The following CDC42 variants were observed in gnomAD, a reference collection of about 807,000 sequenced individuals.
The protein encoded by CDC42 is cell division control protein 42 homolog.
In CDC42, 1 loss-of-function variant was observed where a neutral mutation model predicts 20.8. The ratio of observed to expected loss-of-function variants is 0.05; its 90% CI spans 0.02 to 0.23. The LOEUF (loss-of-function observed/expected upper bound fraction) is 0.23. CDC42 is among the 10% of genes least tolerant of loss of function. CDC42 has a pLI of 1.00. For missense variants in CDC42, 49 were observed against 227.9 expected (o/e 0.21, Z 5.05); for synonymous variants, 72 against 84.8 (o/e 0.85, Z 0.83).
intron 1 of CDC42, among the ~76,000 whole-genome samples, chr1:22,071,465 C>T (rs949883586): frequency 2.6e-5 from 4 of 152,156 alleles, no homozygotes; most frequent in Admixed American, 6.5e-5. Context: ...CACTTGCATA[C>T]GTGTGTGAAT....
intron 1 of CDC42, among the ~76,000 whole-genome samples, chr1:22,066,698 G>C (rs1340410607): frequency 1.8e-5 from 1 of 55,386 alleles, no homozygotes; most frequent in African/African-American, 6.8e-5. Flanking sequence ...AGGAGATGAT[G>C]ATTCGAGCTG....
intron 1 of CDC42, among the ~76,000 whole-genome samples, chr1:22,057,606 A>G (rs1290622465): frequency 3.3e-5 from 5 of 151,522 alleles, no homozygotes; most frequent in African/African-American, 1.2e-4. Flanking sequence ...CTGGTCTCCA[A>G]CTCCTGACCT....
chr1:22,079,233 G>A (rs1407163588), intron 2 of CDC42, among the ~76,000 whole-genome samples: 1 of 151,590 alleles, frequency 6.6e-6, no homozygotes, highest in African/African-American at 2.4e-5. Context: ...CCGCCTCCCG[G>A]GTTCAAGCAG....
At chr1:22,085,203 G>C (rs978310518) in intron 3 of CDC42, among the ~76,000 whole-genome samples, 3 of 148,000 alleles carry the variant, frequency 2.0e-5, no homozygotes, top group African/African-American at 7.6e-5. Flanking sequence ...CTGCACTCCA[G>C]CCTGGGTGAT....
intron 1 of CDC42, among the ~76,000 whole-genome samples, chr1:22,077,086 G>A (rs184133524): frequency 6.6e-6 from 1 of 152,150 alleles, no homozygotes; most frequent in Non-Finnish European, 1.5e-5. Context: ...AGTCTGGGAG[G>A]TGGAGGTTGC....
At chr1:22,067,853 G>A (rs575123998) in intron 1 of CDC42, among the ~76,000 whole-genome samples, 46 of 152,152 alleles carry the variant, frequency 3.0e-4, no homozygotes, top group Non-Finnish European at 5.7e-4. Flanking sequence ...CATAGCAGGT[G>A]GTCAGGCGGT....
chr1:22,061,066 GT>G (rs1311418032), intron 1 of CDC42, among the ~76,000 whole-genome samples: 2 of 152,200 alleles, frequency 1.3e-5, no homozygotes, highest in African/African-American at 4.8e-5. Context: ...GGCTTAGTGT[GT>G]TTCAGAATAT....
intron 1 of CDC42, among the ~76,000 whole-genome samples, chr1:22,063,358 T>C (rs572457621): frequency 2.0e-5 from 3 of 152,232 alleles, no homozygotes; most frequent in Admixed American, 6.6e-5. Flanking sequence ...TAGAATTTGG[T>C]ACAGAGTAGG....
Position 22,087,240 on chromosome 1 carries a change from A to T in CDC42, c.486+374A>T, listed in dbSNP as rs765364783. ...GAATATGTCTGATCTTTTCTTGCCA[A>T]TTCTGACAATTGATACTATACTGTT... On this transcript the variant is annotated intron_variant, in intron 5 of 5. Coordinates refer to ENST00000656825, the MANE Select transcript of CDC42 (RefSeq NM_001791.4). Among the ~76,000 whole-genome samples the T allele has an allele frequency of 2.6e-5, 4 of 152,128 alleles. 1 individual carries two copies. In the South Asian group the frequency reaches 8.3e-4, roughly 32 times the overall value.
At chr1:22,054,006 C>T (rs764618006) in intron 1 of CDC42, among the ~76,000 whole-genome samples, 11 of 152,138 alleles carry the variant, frequency 7.2e-5, no homozygotes, top group Non-Finnish European at 1.3e-4. Flanking sequence ...ACTGTTTATT[C>T]TCCTTTATGA....
chr1:22,085,249 G>GA (rs150816607), intron 3 of CDC42, among the ~76,000 whole-genome samples: 11 of 75,616 alleles, frequency 1.5e-4, no homozygotes, highest in African/African-American at 5.1e-4. Flanking sequence ...AAAAAAAAAA[G>GA]AAAAATCATT....
chr1:22,057,410 G>A (rs747008346), intron 1 of CDC42, among the ~76,000 whole-genome samples: 3 of 152,196 alleles, frequency 2.0e-5, no homozygotes, highest in Admixed American at 6.5e-5. Context: ...TTGAGATGGA[G>A]TTTTGCTCTT....
chr1:22,059,358 C>G (rs1025019000), intron 1 of CDC42: 18 of 152,138 alleles, frequency 1.2e-4, no homozygotes, highest in African/African-American at 4.1e-4. Context: ...GAGGAATGGT[C>G]TAAGCATATG....
chr1:22,062,134 C>T (rs1645372964), intron 1 of CDC42, among the ~76,000 whole-genome samples: 1 of 152,012 alleles, frequency 6.6e-6, no homozygotes, highest in Admixed American at 6.6e-5. Flanking sequence ...CGGGGTTTCA[C>T]CACGTTGGCC....
intron 5 of CDC42, among the ~76,000 whole-genome samples, chr1:22,087,570 C>A (rs1038984169): frequency 6.6e-6 from 1 of 152,126 alleles, no homozygotes; most frequent in Admixed American, 6.5e-5. Flanking sequence ...CATGATATCG[C>A]TGATTCCGTC....
At chr1:22,071,233 TC>T (rs1295719467) in intron 1 of CDC42, among the ~76,000 whole-genome samples, 3 of 151,362 alleles carry the variant, frequency 2.0e-5, no homozygotes, top group Admixed American at 6.6e-5. Context: ...TTTAGTAGCG[TC>T]GGGGTTTCAC....
intron 1 of CDC42, among the ~76,000 whole-genome samples, chr1:22,078,077 C>T (rs550410180): frequency 3.9e-4 from 59 of 152,272 alleles, no homozygotes; most frequent in Admixed American, 1.2e-3. Context: ...TGTGTGTGCA[C>T]GTGTAACTGA....
intron 1 of CDC42, among the ~76,000 whole-genome samples, chr1:22,069,795 TTTG>T (rs143103359): frequency 0.16 from 23,340 of 149,756 alleles, 2,630 homozygotes; most frequent in East Asian, 0.5. Context: ...TTTGTTTGTT[TTTG>T]TTGTTGTTGT....
At position 22,097,662 on chromosome 1, in the gene CDC42, A is replaced by G. The variant is rs183618750; in HGVS notation, c.*6145A>G. ...TTTGCTGCCATCAGGTAATTTGTGC[A>G]TTAGAACTAGCTTGGAACAGAATGG... On this transcript the variant is annotated 3_prime_UTR_variant, in exon 6 of 6. Coordinates refer to ENST00000656825, the MANE Select transcript of CDC42 (RefSeq NM_001791.4). Among the ~76,000 whole-genome samples the G allele has an allele frequency of 2.0e-5, 3 of 152,362 alleles. No homozygotes were observed. The highest frequency in any genetic ancestry group is 4.4e-5 in the Non-Finnish European group (3 of 68,032).
Sources: allele counts gnomAD v4.1 joint callset (sites outside exome capture counted in the v4.1 genomes callset), GRCh38; gene constraint gnomAD v4.1.1; transcripts MANE v1.5; gene names NCBI Gene and HGNC (gene_info 2026-07-23, HGNC 2026-07-21).